RNGTT: variants seen among roughly 807,000 people sequenced by gnomAD.
The protein encoded by RNGTT is RNA guanylyltransferase and 5'-phosphatase, also known as mRNA-capping enzyme.
RNGTT carries 33 observed loss-of-function variants against 79.3 expected under a neutral mutation model. The observed-to-expected ratio is 0.42, with a 90% confidence interval of 0.32 to 0.56. The LOEUF (loss-of-function observed/expected upper bound fraction) is 0.56. Among genes scored for constraint, RNGTT ranks in the 20% least tolerant of loss-of-function variants. RNGTT has a pLI of 0.17. For synonymous variants in RNGTT, 222 were observed against 235.9 expected, an observed-to-expected ratio of 0.94 and a Z score of 0.54; for missense variants, 497 against 739.1, an observed-to-expected ratio of 0.67 and a Z score of 3.80.
At chr6:88,936,444 T>C (rs1173374737) in intron 2 of RNGTT, among the ~76,000 whole-genome samples, 1 of 152,234 alleles carries the variant, frequency 6.6e-6, no homozygotes. Flanking sequence ...GACATCCTTG[T>C]CTTGTTCTAA....
intron 14 of RNGTT, among the ~76,000 whole-genome samples, chr6:88,632,606 CCTTT>C (rs1357225052): frequency 2.7e-5 from 4 of 150,368 alleles, no homozygotes; most frequent in Non-Finnish European, 4.4e-5. Flanking sequence ...CAATTTATTT[CCTTT>C]CTTTGTGCTA....
At chr6:88,783,121 T>A (rs151264205) in intron 12 of RNGTT, among the ~76,000 whole-genome samples, 4 of 152,100 alleles carry the variant, frequency 2.6e-5, no homozygotes, top group African/African-American at 9.7e-5. Flanking sequence ...TTATGCACAA[T>A]AGCGAAGATA....
chr6:88,644,064 C>G lies in RNGTT; in HGVS notation c.1507-29669G>C, dbSNP rs548892965. On this transcript the variant is annotated intron_variant, in intron 14 of 15. Transcript: ENST00000369485. Reference sequence around the variant, plus strand: ...TCAAAAAAATCAATGAATCCAGGAGCTGGTTTTTTGAAAAGATCAACAAAA... The same window carrying G: ...TCAAAAAAATCAATGAATCCAGGAGGTGGTTTTTTGAAAAGATCAACAAAA... Among the ~76,000 whole-genome samples the G allele has an allele frequency of 1.9e-3, 290 of 152,206 alleles. 4 individuals carry two copies. Among genetic ancestry groups the G allele is most frequent in the African/African-American group, 6.8e-3 (284 of 41,532 alleles).
intron 11 of RNGTT, among the ~76,000 whole-genome samples, chr6:88,823,229 C>A (rs375425958): frequency 2.0e-5 from 3 of 152,018 alleles, no homozygotes; most frequent in African/African-American, 7.2e-5. Flanking sequence ...GAGTTCGAGA[C>A]CAGCCTGACT....
At chr6:88,777,077 T>C (rs1778913780) in intron 12 of RNGTT, among the ~76,000 whole-genome samples, 1 of 152,216 alleles carries the variant, frequency 6.6e-6, no homozygotes, top group South Asian at 2.1e-4. Context: ...ATATTCAAGC[T>C]TCCCCAACAT....
chr6:88,910,465 C>T lies in RNGTT; in HGVS notation c.368-4025G>A, dbSNP rs144730182. On this transcript the variant is annotated intron_variant, in intron 4 of 15. Coordinates refer to ENST00000369485, the MANE Select transcript of RNGTT (RefSeq NM_003800.5). ...AAAAATAAAGAAAAAGAATCTTCAA[C>T]AAATGAACAAAGCCTCTGAGAAATA... is the stretch of plus-strand genomic sequence containing the variant. Among the ~76,000 whole-genome samples, 1,374 of 152,198 alleles carry T rather than the reference C, an allele frequency of 9.0e-3. 12 individuals carry two copies. Among genetic ancestry groups the T allele is most frequent in the Non-Finnish European group, 0.014 (927 of 67,970 alleles).
intron 11 of RNGTT, among the ~76,000 whole-genome samples, chr6:88,840,514 C>T (rs945767650): frequency 5.3e-5 from 8 of 152,140 alleles, no homozygotes; most frequent in East Asian, 1.9e-4. Context: ...ATTCCACCTC[C>T]GCCTCCTGAA....
chr6:88,827,488 T>G (rs2127885491), intron 11 of RNGTT, among the ~76,000 whole-genome samples: 1 of 152,186 alleles, frequency 6.6e-6, no homozygotes, highest in East Asian at 1.9e-4. Flanking sequence ...CCGAGCTAGC[T>G]GCAGGAGTTT....
chr6:88,824,729 T>C (rs915908787), intron 11 of RNGTT, among the ~76,000 whole-genome samples: 3 of 151,654 alleles, frequency 2.0e-5, no homozygotes, highest in Admixed American at 6.6e-5. Context: ...CTGCAATAAA[T>C]TGAAAACACG....
chr6:88,840,515 G>A (rs911955286), intron 11 of RNGTT, among the ~76,000 whole-genome samples: 7 of 152,036 alleles, frequency 4.6e-5, no homozygotes, highest in Non-Finnish European at 8.8e-5. Flanking sequence ...TTCCACCTCC[G>A]CCTCCTGAAT....
chr6:88,702,598 A>G lies in RNGTT; in HGVS notation c.1440-24179T>C, dbSNP rs577343564. ...AGACTTAAATGTAAGACCTCAAACT[A>G]TAAGAATCCTAGAAGAAAACCTAGG... is the stretch of plus-strand genomic sequence containing the variant. On this transcript the variant is annotated intron_variant, in intron 13 of 15. Coordinates refer to ENST00000369485, the MANE Select transcript of RNGTT (RefSeq NM_003800.5). 9.2e-5 allele frequency among the ~76,000 whole-genome samples: 14 copies of G among 152,302 alleles called. No homozygotes were observed. In the South Asian group the frequency reaches 1.0e-3, roughly 11 times the overall value.
intron 12 of RNGTT, among the ~76,000 whole-genome samples, chr6:88,781,834 TC>T (rs992908786): frequency 3.3e-5 from 5 of 152,110 alleles, no homozygotes; most frequent in African/African-American, 4.8e-5. Flanking sequence ...TTCAAAACTC[TC>T]GAATCATCTT....
intron 2 of RNGTT, among the ~76,000 whole-genome samples, chr6:88,930,243 AT>A (rs1784477769): frequency 6.9e-6 from 1 of 143,992 alleles, no homozygotes; most frequent in East Asian, 1.9e-4. Context: ...TATTATATAT[AT>A]TTTATATATA....
intron 13 of RNGTT, among the ~76,000 whole-genome samples, chr6:88,769,442 G>C (rs1306141545): frequency 2.0e-5 from 3 of 152,126 alleles, no homozygotes; most frequent in Middle Eastern, 3.4e-3. Flanking sequence ...TTACAGGCAT[G>C]AGCCACCACG....
At chr6:88,794,533 G>C (rs1003626423) in intron 12 of RNGTT, among the ~76,000 whole-genome samples, 1 of 151,998 alleles carries the variant, frequency 6.6e-6, no homozygotes, top group Non-Finnish European at 1.5e-5. Flanking sequence ...AGACAATGGA[G>C]GTTTAAAAAG....
At chr6:88,723,916 G>T (rs1372405434) in intron 13 of RNGTT, among the ~76,000 whole-genome samples, 1 of 152,054 alleles carries the variant, frequency 6.6e-6, no homozygotes, top group African/African-American at 2.4e-5. Context: ...GTAGAGACGG[G>T]ATTTCACCAT....
chr6:88,758,427 C>T (rs1037387276), intron 13 of RNGTT, among the ~76,000 whole-genome samples: 6 of 152,300 alleles, frequency 3.9e-5, no homozygotes, highest in East Asian at 3.9e-4. Context: ...AGCTATTATA[C>T]TTTCGTCGAA....
chr6:88,692,360 TA>T (rs1367872528), intron 13 of RNGTT, among the ~76,000 whole-genome samples: 2 of 151,888 alleles, frequency 1.3e-5, no homozygotes, highest in East Asian at 3.9e-4. Context: ...AATTTATTCA[TA>T]ATAGCCAAAA....
intron 14 of RNGTT, among the ~76,000 whole-genome samples, chr6:88,635,879 CA>C (rs1396752025): frequency 6.6e-6 from 1 of 151,952 alleles, no homozygotes; most frequent in Non-Finnish European, 1.5e-5. Flanking sequence ...TAAAAATGAG[CA>C]GATATATGCT....
Sources: allele counts gnomAD v4.1 joint callset (sites outside exome capture counted in the v4.1 genomes callset), GRCh38; gene constraint gnomAD v4.1.1; transcripts MANE v1.5; gene names NCBI Gene and HGNC (gene_info 2026-07-23, HGNC 2026-07-21).